Variants in CAPN13 observed in about 807,000 individuals in gnomAD.
CAPN13 encodes calpain 13, also known as calpain-13.
CAPN13 carries 90 observed loss-of-function variants against 98.4 expected under a neutral mutation model. That is an observed-to-expected ratio of 0.92 (90% CI 0.77 to 1.09). The LOEUF (loss-of-function observed/expected upper bound fraction) is 1.09, where lower values mean the gene tolerates loss of function less well. Ranked by LOEUF, CAPN13 falls within the 50% of genes least tolerant of loss-of-function variation. The pLI, the probability that CAPN13 is intolerant of heterozygous loss-of-function variation, is 0.00. For synonymous variants in CAPN13, 330 were observed against 305.5 expected (o/e 1.08, Z -0.84); for missense variants, 887 against 841.3 (o/e 1.05, Z -0.67).
chr2:30,752,953 G>A (rs1167435636), intron 10 of CAPN13, 100 bp downstream of exon 10: 51 of 1,303,230 alleles, frequency 3.9e-5, no homozygotes, highest in Non-Finnish European at 5.4e-5. Context: ...TCAGGCTCAT[G>A]GTCCAGAATC....
chr2:30,771,280 C>G (rs1294202511), intron 4 of CAPN13, among the ~76,000 whole-genome samples: 1 of 152,196 alleles, frequency 6.6e-6, no homozygotes, highest in Admixed American at 6.5e-5. Context: ...CCAGCTTCAG[C>G]CCTGAGCTTT....
intron 1 of CAPN13, among the ~76,000 whole-genome samples, chr2:30,801,112 C>T (rs1362275901): frequency 6.6e-6 from 1 of 152,124 alleles, no homozygotes; most frequent in Non-Finnish European, 1.5e-5. Context: ...CTGTTTCAGA[C>T]GAGTACTCCC....
intron 15 of CAPN13, among the ~76,000 whole-genome samples, chr2:30,739,718 T>G (rs1671556841): frequency 6.6e-6 from 1 of 152,118 alleles, no homozygotes; most frequent in Admixed American, 6.5e-5. Flanking sequence ...GTCTTTTTCC[T>G]CCATATTCCC....
rs555252059 is a variant in CAPN13 at position 30,726,575 on chromosome 2, A to G, written c.*31-3339T>C. Among the ~76,000 whole-genome samples, 14 of 152,286 alleles carry G rather than the reference A, an allele frequency of 9.2e-5. No individual in the cohort carries two copies. In the East Asian group the frequency reaches 2.5e-3, roughly 27 times the overall value. ...ATATAAAAATAATTTTTATTGCTGT[A>G]CACTAGCAATGAAAATCTGAAAATA... On this transcript the variant is annotated intron_variant, in intron 22 of 22. Transcript: ENST00000295055.
intron 1 of CAPN13, among the ~76,000 whole-genome samples, chr2:30,788,899 A>T (rs1326774546): frequency 6.6e-6 from 1 of 152,218 alleles, no homozygotes; most frequent in Admixed American, 6.5e-5. Context: ...TTACATTTAC[A>T]TTTGAACTAT....
intron 17 of CAPN13, chr2:30,737,977 AC>A: frequency 2.0e-6 from 1 of 490,116 alleles, no homozygotes; most frequent in Non-Finnish European, 3.7e-6. Context: ...ACACACACAC[AC>A]ACACACACAC....
intron 22 of CAPN13, among the ~76,000 whole-genome samples, chr2:30,724,879 G>A (rs1372385395): frequency 6.6e-6 from 1 of 152,106 alleles, no homozygotes; most frequent in African/African-American, 2.4e-5. Flanking sequence ...GGATTTACTG[G>A]GCTAGAAGTA....
chr2:30,770,734 G>T lies in CAPN13; in HGVS notation c.388-285C>A, dbSNP rs552301781. ...TGCTCCTCAGCGTTGCCTCTCTTTG[G>T]CAAGTCCTTTGTGAGCTTCAGTGAC... On this transcript the variant is annotated intron_variant, in intron 4 of 22. Coordinates refer to ENST00000295055, the MANE Select transcript of CAPN13 (RefSeq NM_144575.3). Among the ~76,000 whole-genome samples, 5 of 152,334 alleles carry T rather than the reference G, an allele frequency of 3.3e-5. No homozygotes were observed. In the East Asian group the frequency reaches 9.6e-4, roughly 29 times the overall value.
intron 2 of CAPN13, among the ~76,000 whole-genome samples, 176 bp downstream of exon 2, chr2:30,786,952 T>A (rs1166572566): frequency 5.9e-5 from 9 of 152,166 alleles, no homozygotes; most frequent in Non-Finnish European, 1.0e-4. Context: ...GGCTCCTGGT[T>A]CCTGCTATAG....
Position 30,758,123 on chromosome 2 carries a change from C to T in CAPN13, c.789G>A (p.Arg263=), listed in dbSNP as rs370473937. 1.7e-5 allele frequency: 28 copies of T among 1,603,990 alleles called. No homozygotes were observed. In the African/African-American group the frequency reaches 3.5e-4, roughly 20 times the overall value. Residue 263 remains arginine (R), a synonymous_variant, in exon 8 of 23, where the codon AGG becomes AGA. Transcript: ENST00000295055. ...VTGAEQIQYR[R]GWEEIISLWN... ...ACAGGGAGATAATTTCTTCCCAGCC[C>T]CTTCGGTATTGAATCTGTAAAGAAA...
intron 17 of CAPN13, chr2:30,737,454 G>C (rs1671430449): frequency 6.6e-6 from 1 of 152,498 alleles, no homozygotes; most frequent in Non-Finnish European, 1.5e-5. Context: ...CAAGCCAGGG[G>C]TACGCAGGAA....
chr2:30,750,071 A>G (rs1384528062), intron 11 of CAPN13, among the ~76,000 whole-genome samples: 3 of 152,234 alleles, frequency 2.0e-5, no homozygotes, highest in Non-Finnish European at 4.4e-5. Context: ...ATGCCCATCC[A>G]TCAATGACAG....
chr2:30,739,209 C>T (rs1671531992), intron 15 of CAPN13, among the ~76,000 whole-genome samples: 1 of 152,098 alleles, frequency 6.6e-6, no homozygotes, highest in South Asian at 2.1e-4. Context: ...GGCTGTTCCT[C>T]ATGTCCAGCC....
At chr2:30,806,132 G>C (rs1675609310) in intron 1 of CAPN13, 1 of 152,128 alleles carries the variant, frequency 6.6e-6, no homozygotes, top group Non-Finnish European at 1.5e-5. Context: ...TCTTTCAAGA[G>C]GGTAACTGAA....
chr2:30,766,946 G>A (rs747029484), intron 5 of CAPN13, among the ~76,000 whole-genome samples: 6 of 152,224 alleles, frequency 3.9e-5, no homozygotes, highest in Non-Finnish European at 7.3e-5. Flanking sequence ...ACCCTTGGAG[G>A]GAAGAGGTCC....
chr2:30,742,428 G>A lies in CAPN13; in HGVS notation c.1446-69C>T. ...ACTCAAAGGGGGCCTGCATATAGAG[G>A]GCACCCAGGTGGCACTGGATATTGA... On this transcript the variant is annotated intron_variant, in intron 13 of 22. Coordinates refer to ENST00000295055, the MANE Select transcript of CAPN13 (RefSeq NM_144575.3). 3 of 1,537,306 alleles carry A rather than the reference G, an allele frequency of 2.0e-6. No homozygotes were observed. The South Asian group carries it at 3.6e-5, about 18-fold the overall frequency.
intron 1 of CAPN13, among the ~76,000 whole-genome samples, chr2:30,799,647 T>C (rs17010322): frequency 0.2 from 29,939 of 152,116 alleles, 3,229 homozygotes; most frequent in African/African-American, 0.29. Flanking sequence ...CTACTTTGTG[T>C]CTAATCAGGG....
intron 1 of CAPN13, among the ~76,000 whole-genome samples, chr2:30,788,730 TTAACA>T (rs1223062569): frequency 6.6e-6 from 1 of 152,194 alleles, no homozygotes; most frequent in Non-Finnish European, 1.5e-5. Context: ...ACATGTAAAC[TTAACA>T]TAACTTAGCA....
intron 1 of CAPN13, among the ~76,000 whole-genome samples, chr2:30,795,477 C>T (rs937748112): frequency 2.6e-5 from 4 of 152,026 alleles, no homozygotes; most frequent in Admixed American, 6.6e-5. Context: ...GTGGTAACTC[C>T]TATGTCTTAA....
Sources: gnomAD v4.1 joint callset for allele counts (sites outside exome capture counted in the v4.1 genomes callset) on GRCh38, gnomAD v4.1.1 for gene constraint, MANE v1.5 for transcripts, NCBI Gene and HGNC (gene_info 2026-07-23, HGNC 2026-07-21) for gene names.